The following NIPAL2 variants were observed in gnomAD, a reference collection of about 807,000 sequenced individuals.
NIPAL2 encodes the protein NIPA like domain containing 2.
A neutral mutation model predicts 48.9 loss-of-function variants in NIPAL2; 43 were observed. The ratio of observed to expected loss-of-function variants is 0.88; its 90% confidence interval spans 0.69 to 1.13. NIPAL2 has a LOEUF of 1.13. Ranked by LOEUF, NIPAL2 falls within the 50% of genes most tolerant of loss-of-function variation. The probability of loss-of-function intolerance (pLI) is 0.00; values close to 1 mark genes in which losing one functional copy is unlikely to be tolerated. For missense variants in NIPAL2, 446 were observed against 461.4 expected (o/e 0.97, Z 0.31); for synonymous variants, 167 against 174.6 (o/e 0.96, Z 0.34).
chr8:98,273,877 C>T (rs573287912), intron 1 of NIPAL2, among the ~76,000 whole-genome samples: 6 of 152,064 alleles, frequency 3.9e-5, no homozygotes, highest in East Asian at 1.9e-4. Flanking sequence ...GTAGTTTGGA[C>T]GTACATAGTC....
In NIPAL2 at chr8:98,213,157, C is replaced by A. The variant is rs541891849; in HGVS notation, c.559-656G>T. 4.6e-5 allele frequency among the ~76,000 whole-genome samples: 7 copies of A among 152,232 alleles called. No individual in the cohort carries two copies. The East Asian group carries it at 1.3e-3, about 29-fold the overall frequency. On this transcript the variant is annotated intron_variant, in intron 5 of 10. Transcript: ENST00000430223. ...ACCCAACCTAAGAAACAGAACGTAC[C>A]GACACCTCTGAAGTCTCTCATGTGC...
intron 5 of NIPAL2, among the ~76,000 whole-genome samples, chr8:98,215,039 C>T (rs10955158): frequency 0.13 from 20,087 of 152,256 alleles, 1,439 homozygotes; most frequent in Non-Finnish European, 0.16. Flanking sequence ...CAATTATAGA[C>T]AATTCACAGC....
chr8:98,231,365 T>C (rs961029846), intron 4 of NIPAL2, among the ~76,000 whole-genome samples: 3 of 152,110 alleles, frequency 2.0e-5, no homozygotes, highest in Non-Finnish European at 2.9e-5. Flanking sequence ...ATTCTAGACA[T>C]TGGCTCCAAA....
chr8:98,209,493 C>T (rs957417322), intron 6 of NIPAL2, among the ~76,000 whole-genome samples: 26 of 150,228 alleles, frequency 1.7e-4, no homozygotes, highest in African/African-American at 6.1e-4. Context: ...TGCCACGCAT[C>T]TGTAGTCCCA....
chr8:98,289,299 G>A (rs1408029025), intron 1 of NIPAL2, among the ~76,000 whole-genome samples: 2 of 152,036 alleles, frequency 1.3e-5, no homozygotes, highest in Non-Finnish European at 2.9e-5. Flanking sequence ...TTGCATCAAT[G>A]CGAATATTAT....
intron 1 of NIPAL2, among the ~76,000 whole-genome samples, chr8:98,261,490 T>G (rs2130852789): frequency 6.9e-6 from 1 of 145,214 alleles, no homozygotes; most frequent in East Asian, 2.0e-4. Flanking sequence ...TGCAGAAGCC[T>G]CAGGAGCCGA....
intron 6 of NIPAL2, among the ~76,000 whole-genome samples, chr8:98,205,574 G>A (rs533859581): frequency 7.4e-4 from 112 of 152,098 alleles, no homozygotes; most frequent in African/African-American, 2.6e-3. Context: ...GATGGGAAAG[G>A]CAAAAACAAT....
chr8:98,258,360 C>T (rs1292112628), intron 1 of NIPAL2, among the ~76,000 whole-genome samples: 1 of 152,108 alleles, frequency 6.6e-6, no homozygotes, highest in African/African-American at 2.4e-5. Flanking sequence ...TGTACACTTA[C>T]AAATGGCAAA....
At chr8:98,242,912 A>G (rs1486040990) in intron 3 of NIPAL2, among the ~76,000 whole-genome samples, 1 of 152,240 alleles carries the variant, frequency 6.6e-6, no homozygotes, top group East Asian at 1.9e-4. Flanking sequence ...CCATAAACAT[A>G]TAAAATTATT....
At chr8:98,228,807 C>A (rs184072389) in intron 4 of NIPAL2, among the ~76,000 whole-genome samples, 8 of 152,224 alleles carry the variant, frequency 5.3e-5, no homozygotes, top group Admixed American at 3.9e-4. Context: ...AGGAGATAAC[C>A]CAATTTGAGA....
chr8:98,225,588 G>A (rs1053549132), intron 4 of NIPAL2, among the ~76,000 whole-genome samples: 6 of 152,136 alleles, frequency 3.9e-5, no homozygotes, highest in African/African-American at 1.4e-4. Flanking sequence ...TCTTTTGTAT[G>A]TTATTTGTTT....
At chr8:98,285,636 G>C (rs1313804447) in intron 1 of NIPAL2, among the ~76,000 whole-genome samples, 2 of 152,188 alleles carry the variant, frequency 1.3e-5, no homozygotes, top group Non-Finnish European at 2.9e-5. Flanking sequence ...CCTGGATGGA[G>C]GCTTGACTGA....
Position 98,272,810 on chromosome 8 carries a change from A to G in NIPAL2, c.136-18723T>C, listed in dbSNP as rs114876239. ...TTTATAACTGTGTGCTATTTTACAC[A>G]ATTCTATAGAATCAAAAAACCACTT... is the stretch of plus-strand genomic sequence containing the variant. On this transcript the variant is annotated intron_variant, in intron 1 of 10. Coordinates refer to ENST00000430223, the MANE Select transcript of NIPAL2 (RefSeq NM_001321635.2). Among the ~76,000 whole-genome samples the G allele has an allele frequency of 3.2e-3, 490 of 152,200 alleles. 1 individual carries two copies. Among genetic ancestry groups the G allele is most frequent in the African/African-American group, 0.011 (457 of 41,544 alleles).
chr8:98,282,250 A>G (rs1271048536), intron 1 of NIPAL2, among the ~76,000 whole-genome samples: 2 of 152,198 alleles, frequency 1.3e-5, no homozygotes, highest in African/African-American at 2.4e-5. Context: ...ACTGCAGTAT[A>G]GCTGGTCTGG....
At chr8:98,258,347 A>ACAATTTGTT (rs1814033345) in intron 1 of NIPAL2, among the ~76,000 whole-genome samples, 1 of 152,228 alleles carries the variant, frequency 6.6e-6, no homozygotes, top group South Asian at 2.1e-4. Context: ...AGTGCCACAG[A>ACAATTTGTT]AGTGTACACT....
intron 3 of NIPAL2, among the ~76,000 whole-genome samples, chr8:98,247,850 A>G (rs143737506): frequency 6.6e-5 from 10 of 152,340 alleles, no homozygotes; most frequent in African/African-American, 2.2e-4. Flanking sequence ...CAAACTCCAC[A>G]GAATATCTAA....
chr8:98,293,810 C>T (rs1030009094), intron 1 of NIPAL2, among the ~76,000 whole-genome samples, 193 bp downstream of exon 1: 1 of 152,166 alleles, frequency 6.6e-6, no homozygotes, highest in Non-Finnish European at 1.5e-5. Flanking sequence ...GAAGACTGGG[C>T]GGACCCCCGC....
intron 1 of NIPAL2, among the ~76,000 whole-genome samples, chr8:98,255,002 A>G (rs1474776416): frequency 1.3e-5 from 2 of 152,098 alleles, no homozygotes; most frequent in Middle Eastern, 3.2e-3. Context: ...CTTTTATATT[A>G]TCATGTTTGC....
intron 1 of NIPAL2, among the ~76,000 whole-genome samples, chr8:98,280,759 T>G (rs189025762): frequency 0.16 from 4,975 of 30,952 alleles, 233 homozygotes; most frequent in East Asian, 0.22. Flanking sequence ...TATATATATA[T>G]ATAGAGAGAG....
Sources: gnomAD v4.1 joint callset for allele counts (sites outside exome capture counted in the v4.1 genomes callset) on GRCh38, gnomAD v4.1.1 for gene constraint, MANE v1.5 for transcripts, NCBI Gene and HGNC (gene_info 2026-07-23, HGNC 2026-07-21) for gene names.